DNAAF11: variants seen among roughly 807,000 people sequenced by gnomAD.
The protein encoded by DNAAF11 is leucine rich repeat containing 6.
In DNAAF11, 45 loss-of-function variants were observed where a neutral mutation model predicts 60.8. The ratio of observed to expected loss-of-function variants is 0.74; its 90% CI spans 0.58 to 0.95. The LOEUF is 0.95. DNAAF11 is among the 40% of genes least tolerant of loss of function. The pLI is 0.00. For missense variants in DNAAF11, 546 were observed against 546.2 expected, an observed-to-expected ratio of 1.00 and a Z score of 0.00; for synonymous variants, 191 against 183.5, an observed-to-expected ratio of 1.04 and a Z score of -0.33.
At chr8:132,667,385 A>G (rs973248130) in intron 1 of DNAAF11, among the ~76,000 whole-genome samples, 4 of 152,250 alleles carry the variant, frequency 2.6e-5, no homozygotes, top group African/African-American at 9.6e-5. Flanking sequence ...GTCATTGGTC[A>G]ATAAATGTCA....
intron 2 of DNAAF11, 99 bp downstream of exon 2, chr8:132,661,357 GTTTT>G: frequency 3.2e-6 from 3 of 933,304 alleles, no homozygotes; most frequent in South Asian, 3.6e-5. Flanking sequence ...TTCCCATGGA[GTTTT>G]TTTTTCAGTG....
chr8:132,669,561 AG>A (rs1211056809), intron 1 of DNAAF11, among the ~76,000 whole-genome samples: 1 of 152,218 alleles, frequency 6.6e-6, no homozygotes, highest in Non-Finnish European at 1.5e-5. Context: ...AGGCTGAGAG[AG>A]GAAGTGTGAA....
rs535706516 is a variant in DNAAF11 at position 132,614,514 on chromosome 8, G to A, written c.974+524C>T. ...CTTTAGGGAGGAGAAAAGGACAATA[G>A]TTTGGGTGTGGTGATGAGGGCAGGC... is the stretch of plus-strand genomic sequence containing the variant. On this transcript the variant is annotated intron_variant, in intron 8 of 11. Coordinates refer to ENST00000620350, the MANE Select transcript of DNAAF11 (RefSeq NM_012472.6). Among the ~76,000 whole-genome samples, 38 of 152,292 alleles carry A rather than the reference G, an allele frequency of 2.5e-4. No individual in the cohort carries two copies. In the South Asian group the frequency reaches 4.3e-3, roughly 17 times the overall value.
At chr8:132,638,944 T>C (rs1455198283) in intron 3 of DNAAF11, among the ~76,000 whole-genome samples, 1 of 152,248 alleles carries the variant, frequency 6.6e-6, no homozygotes, top group Non-Finnish European at 1.5e-5. Context: ...CTTGCTAATG[T>C]GACCTTGGGT....
rs1160460984 is a variant in DNAAF11, at chr8:132,593,328, C to CAT, written c.1141-9551_1141-9550dup. 9.3e-4 allele frequency among the ~76,000 whole-genome samples: 63 copies of CAT among 67,564 alleles called. 1 individual carries two copies. Among genetic ancestry groups the CAT allele is most frequent in the African/African-American group, 3.9e-3 (54 of 13,964 alleles). The allele number at this position is 67,564 out of a possible 152,430, so 44.3% of individuals were successfully genotyped here. ...AATAATAAACTTCAAAGAATATATACATACATATATATATATATATATATA... is the reference window on the plus strand; with the variant it reads ...AATAATAAACTTCAAAGAATATATACATATACATATATATATATATATATATA... On this transcript the variant is annotated intron_variant, in intron 10 of 11. Transcript: ENST00000620350.
At chr8:132,638,679 C>T (rs1821552582) in intron 3 of DNAAF11, among the ~76,000 whole-genome samples, 1 of 151,844 alleles carries the variant, frequency 6.6e-6, no homozygotes, top group African/African-American at 2.4e-5. Flanking sequence ...AAGGTATTAA[C>T]AAAAGTGAAG....
intron 2 of DNAAF11, among the ~76,000 whole-genome samples, chr8:132,658,656 G>A (rs1563699653): frequency 2.0e-5 from 3 of 152,274 alleles, no homozygotes; most frequent in South Asian, 4.2e-4. Context: ...AACTATGAGA[G>A]TCTCGTCCAC....
intron 11 of DNAAF11, among the ~76,000 whole-genome samples, chr8:132,581,080 G>A (rs1392728125): frequency 2.0e-5 from 3 of 152,146 alleles, no homozygotes; most frequent in Admixed American, 6.5e-5. Context: ...AGAAACACAG[G>A]GACAGTAGGG....
intron 10 of DNAAF11, among the ~76,000 whole-genome samples, chr8:132,585,385 C>G (rs1379033845): frequency 1.3e-5 from 2 of 152,208 alleles, no homozygotes; most frequent in Non-Finnish European, 2.9e-5. Context: ...AGAAGTACAT[C>G]TTCCTCTTTC....
intron 11 of DNAAF11, among the ~76,000 whole-genome samples, chr8:132,573,712 G>A (rs983866951): frequency 5.3e-5 from 8 of 152,034 alleles, no homozygotes; most frequent in African/African-American, 1.9e-4. Flanking sequence ...CCTTTGTCAG[G>A]GTGTTCTTCT....
At chr8:132,674,003 G>T (rs933720358) in intron 1 of DNAAF11, among the ~76,000 whole-genome samples, 5 of 151,570 alleles carry the variant, frequency 3.3e-5, no homozygotes, top group Non-Finnish European at 5.9e-5. Flanking sequence ...CGAAGAAGAA[G>T]GAGAAGGAGA....
In DNAAF11 at chr8:132,601,792, G is replaced by A. The variant is rs184106591; in HGVS notation, c.1140+8374C>T. ...TGTCATGGGGTGCGGGGAGGGTGGA[G>A]GGATAGCATTAGGAGATATACCTAA... On this transcript the variant is annotated intron_variant, in intron 10 of 11. Coordinates refer to ENST00000620350, the MANE Select transcript of DNAAF11 (RefSeq NM_012472.6). 5.7e-3 allele frequency among the ~76,000 whole-genome samples: 871 copies of A among 152,188 alleles called. 13 individuals are homozygous for A. The highest frequency in any genetic ancestry group is 0.02 in the African/African-American group (838 of 41,506).
At chr8:132,675,235 C>T (rs892241775) in intron 1 of DNAAF11, 63 of 437,016 alleles carry the variant, frequency 1.4e-4, no homozygotes, top group African/African-American at 1.1e-3. Flanking sequence ...GCCTCTTCCT[C>T]CCCTTCCCAC....
intron 3 of DNAAF11, among the ~76,000 whole-genome samples, chr8:132,640,212 C>T (rs1189784200): frequency 1.3e-5 from 2 of 152,176 alleles, no homozygotes; most frequent in East Asian, 3.9e-4. Context: ...CTACTCTCTC[C>T]TTGTTCTCCT....
At chr8:132,621,043 G>A (rs900240150) in intron 7 of DNAAF11, among the ~76,000 whole-genome samples, 5 of 152,184 alleles carry the variant, frequency 3.3e-5, no homozygotes, top group Admixed American at 3.3e-4. Flanking sequence ...TGAACTGACA[G>A]GGCTGGGGTT....
At chr8:132,673,743 G>A (rs533937304) in intron 1 of DNAAF11, among the ~76,000 whole-genome samples, 12 of 152,166 alleles carry the variant, frequency 7.9e-5, no homozygotes, top group Admixed American at 3.3e-4. Flanking sequence ...CTTGGGGTTA[G>A]GTCCCCTACC....
the DNAAF11 span, among the ~76,000 whole-genome samples, chr8:132,694,806 T>C: frequency 3.9e-5 from 6 of 152,116 alleles, no homozygotes; most frequent in Non-Finnish European, 7.4e-5. Flanking sequence ...GGAGATCTAG[T>C]TGGAGGAGTC....
At chr8:132,633,420 G>A (rs2130468168) in intron 4 of DNAAF11, among the ~76,000 whole-genome samples, 1 of 152,222 alleles carries the variant, frequency 6.6e-6, no homozygotes, top group Non-Finnish European at 1.5e-5. Flanking sequence ...ATAGGCTATT[G>A]TTACAGCATT....
Position 132,571,696 on chromosome 8 carries a change from A to C in DNAAF11, c.*610T>G, listed in dbSNP as rs1814212144. Among the ~76,000 whole-genome samples the C allele has an allele frequency of 6.6e-6, 1 of 152,196 alleles. No individual in the cohort carries two copies. The highest frequency in any genetic ancestry group is 6.5e-5 in the Admixed American group (1 of 15,280). ...TTATCTTGAGACAAACCTGTGAGGC[A>C]AGTGTTATTATTCCCAGATTATACA... On this transcript the variant is annotated 3_prime_UTR_variant, in exon 12 of 12. Coordinates refer to ENST00000620350, the MANE Select transcript of DNAAF11 (RefSeq NM_012472.6).
Sources: allele counts gnomAD v4.1 joint callset (sites outside exome capture counted in the v4.1 genomes callset), GRCh38; gene constraint gnomAD v4.1.1; transcripts MANE v1.5; gene names NCBI Gene and HGNC (gene_info 2026-07-23, HGNC 2026-07-21).